PLCB1: variants seen among roughly 807,000 people sequenced by gnomAD.
PLCB1 encodes 1-phosphatidylinositol 4,5-bisphosphate phosphodiesterase beta-1.
PLCB1 carries 46 observed loss-of-function variants against 161.8 expected under a neutral mutation model. The ratio of observed to expected loss-of-function variants is 0.28; its 90% CI spans 0.22 to 0.36. PLCB1 has a LOEUF of 0.36. Ranked by LOEUF, PLCB1 falls within the 10% of genes least tolerant of loss-of-function variation. The probability of loss-of-function intolerance (pLI) is 1.00; values close to 1 mark genes in which losing one functional copy is unlikely to be tolerated. For missense variants in PLCB1, 1,016 were observed against 1,472.5 expected (o/e 0.69, Z 5.07); for synonymous variants, 517 against 503.7 (o/e 1.03, Z -0.35).
rs185020541 is a variant in PLCB1, at chr20:8,726,646, G to A, written c.1679-663G>A. Among the ~76,000 whole-genome samples, 21 of 151,958 alleles carry A rather than the reference G, an allele frequency of 1.4e-4. No individual in the cohort carries two copies. In the East Asian group the frequency reaches 2.3e-3, roughly 17 times the overall value. On this transcript the variant is annotated intron_variant, in intron 16 of 31. Coordinates refer to ENST00000338037, the MANE Select transcript of PLCB1 (RefSeq NM_015192.4). ...CATGAGAACAACACAGGGGAACCACGCCCATAATTCAATTACCCCCACTTG... is the reference window on the plus strand; with the variant it reads ...CATGAGAACAACACAGGGGAACCACACCCATAATTCAATTACCCCCACTTG...
chr20:8,378,601 G>T (rs889721640), intron 3 of PLCB1, among the ~76,000 whole-genome samples: 1 of 152,166 alleles, frequency 6.6e-6, no homozygotes, highest in Non-Finnish European at 1.5e-5. Flanking sequence ...GGCCATTCAG[G>T]GTAGTGATTG....
intron 29 of PLCB1, 106 bp from the exon 30 acceptor site, chr20:8,789,412 A>G (rs544682809): frequency 1.8e-5 from 14 of 785,514 alleles, no homozygotes; most frequent in East Asian, 2.5e-5. Context: ...AGGAAAAAAG[A>G]AAAAGAATGT....
At chr20:8,873,079 G>A (rs573971852) in intron 31 of PLCB1, among the ~76,000 whole-genome samples, 1 of 152,246 alleles carries the variant, frequency 6.6e-6, no homozygotes, top group African/African-American at 2.4e-5. Flanking sequence ...TTGACTCAAA[G>A]TCCCATGGCA....
At chr20:8,487,952 C>T (rs2122767229) in intron 3 of PLCB1, among the ~76,000 whole-genome samples, 1 of 152,248 alleles carries the variant, frequency 6.6e-6, no homozygotes, top group East Asian at 1.9e-4. Context: ...AAACGTGCAG[C>T]TCCCTTGCCT....
chr20:8,502,187 T>A (rs1983454631), intron 3 of PLCB1, among the ~76,000 whole-genome samples: 1 of 152,038 alleles, frequency 6.6e-6, no homozygotes, highest in East Asian at 1.9e-4. Flanking sequence ...AAATTACCAG[T>A]GTTCTATGGG....
chr20:8,225,528 G>T (rs749760401), intron 2 of PLCB1, among the ~76,000 whole-genome samples: 2 of 152,158 alleles, frequency 1.3e-5, no homozygotes, highest in Non-Finnish European at 2.9e-5. Context: ...TTGATATCTT[G>T]TGTCTTGGCA....
chr20:8,578,782 C>T (rs2123072020), intron 3 of PLCB1, among the ~76,000 whole-genome samples: 1 of 152,282 alleles, frequency 6.6e-6, no homozygotes, highest in Non-Finnish European at 1.5e-5. Context: ...TTTCTTATTA[C>T]CTTCCAGTAG....
chr20:8,618,763 C>T (rs997345947), intron 3 of PLCB1, among the ~76,000 whole-genome samples: 6 of 152,036 alleles, frequency 3.9e-5, no homozygotes, highest in African/African-American at 7.2e-5. Context: ...ATATTGAAGA[C>T]GGGGCTTATT....
At position 8,741,557 on chromosome 20, in the gene PLCB1, A is replaced by G. The variant is rs777743058; in HGVS notation, c.2507A>G (p.Glu836Gly). 3 of 1,610,136 alleles carry G rather than the reference A, an allele frequency of 1.9e-6. No individual in the cohort carries two copies. The highest frequency in any genetic ancestry group is 1.7e-6 in the Non-Finnish European group (2 of 1,176,550). The change falls in exon 23 of 32, where the codon GAA (glutamate) becomes GGA (glycine). Residue 836 changes from glutamate to glycine, a missense_variant. Glu to Gly is a moderately conservative substitution (Grantham distance 98, BLOSUM62 -2). Transcript: ENST00000338037. ...QLAALTLEDEEEVKKEADPGE... is the reference protein window; with the variant it reads ...QLAALTLEDEGEVKKEADPGE... ...GCTGCTTTGACACTGGAAGATGAAGAAGAAGTAAAGAAAGAGGTGAGAGGG... is the reference window on the plus strand; with the variant it reads ...GCTGCTTTGACACTGGAAGATGAAGGAGAAGTAAAGAAAGAGGTGAGAGGG...
At chr20:8,527,152 T>C (rs1028057250) in intron 3 of PLCB1, among the ~76,000 whole-genome samples, 3 of 152,150 alleles carry the variant, frequency 2.0e-5, no homozygotes, top group African/African-American at 7.2e-5. Context: ...ATCTTTTAGC[T>C]TCAGATTTCT....
chr20:8,456,916 C>T (rs1981341178), intron 3 of PLCB1, among the ~76,000 whole-genome samples: 1 of 152,140 alleles, frequency 6.6e-6, no homozygotes, highest in Non-Finnish European at 1.5e-5. Context: ...TCATGACTTC[C>T]CCAAGGCTCC....
At chr20:8,173,950 A>G (rs1275254357) in intron 2 of PLCB1, among the ~76,000 whole-genome samples, 1 of 152,188 alleles carries the variant, frequency 6.6e-6, no homozygotes, top group African/African-American at 2.4e-5. Context: ...AATCTGAACA[A>G]CAGAAGAGAT....
chr20:8,708,947 G>A (rs1473942822), intron 12 of PLCB1, among the ~76,000 whole-genome samples, 195 bp downstream of exon 12: 1 of 152,186 alleles, frequency 6.6e-6, no homozygotes. Flanking sequence ...CGTTGGACTT[G>A]TAGGATCTAT....
chr20:8,193,855 G>A (rs2123113135), intron 2 of PLCB1, among the ~76,000 whole-genome samples: 1 of 152,084 alleles, frequency 6.6e-6, no homozygotes, highest in African/African-American at 2.4e-5. Flanking sequence ...TATAGTAAAT[G>A]CTGTGTGGTA....
intron 2 of PLCB1, among the ~76,000 whole-genome samples, chr20:8,208,530 T>A (rs541466272): frequency 6.6e-6 from 1 of 152,222 alleles, no homozygotes; most frequent in African/African-American, 2.4e-5. Context: ...AGTAGGTTTT[T>A]TTTTCAAATT....
intron 2 of PLCB1, among the ~76,000 whole-genome samples, chr20:8,220,699 T>G (rs1979358863): frequency 3.3e-5 from 5 of 152,194 alleles, no homozygotes; most frequent in African/African-American, 1.2e-4. Context: ...TGCTGACAAC[T>G]TGAGCTTGGA....
rs538501498 is a variant in PLCB1 at position 8,482,001 on chromosome 20, C to T, written c.246+110551C>T. Reference sequence around the variant, plus strand: ...TGATGTGAATTTTCATGAACATTCGCAGCTTGAAGAATTATTTTAGTATGC... The same window carrying T: ...TGATGTGAATTTTCATGAACATTCGTAGCTTGAAGAATTATTTTAGTATGC... On this transcript the variant is annotated intron_variant, in intron 3 of 31. Transcript: ENST00000338037. Among the ~76,000 whole-genome samples the T allele has an allele frequency of 1.5e-3, 227 of 150,988 alleles. 1 individual carries two copies. The highest frequency in any genetic ancestry group is 2.8e-3 in the Non-Finnish European group (193 of 67,892).
intron 3 of PLCB1, among the ~76,000 whole-genome samples, chr20:8,435,607 A>G (rs192239877): frequency 6.6e-6 from 1 of 152,300 alleles, no homozygotes; most frequent in Non-Finnish European, 1.5e-5. Flanking sequence ...CAAGGCCCCA[A>G]CAAAAAGCCA....
chr20:8,845,982 C>T (rs1986677658), intron 31 of PLCB1, among the ~76,000 whole-genome samples: 1 of 152,184 alleles, frequency 6.6e-6, no homozygotes, highest in Non-Finnish European at 1.5e-5. Context: ...TCAGGAAACC[C>T]AGCAAAACTG....
Sources: gnomAD v4.1 joint callset for allele counts (sites outside exome capture counted in the v4.1 genomes callset) on GRCh38, gnomAD v4.1.1 for gene constraint, MANE v1.5 for transcripts, NCBI Gene and HGNC (gene_info 2026-07-23, HGNC 2026-07-21) for gene names.